Variants in LAMA5 observed in about 807,000 individuals in gnomAD.
LAMA5 encodes the protein laminin subunit alpha-5.
In LAMA5, 260 loss-of-function variants were observed where a neutral mutation model predicts 433.4. The ratio of observed to expected loss-of-function variants is 0.60; its 90% confidence interval spans 0.54 to 0.66. The LOEUF is 0.66. Ranked by LOEUF, LAMA5 falls within the 30% of genes least tolerant of loss-of-function variation. The probability of loss-of-function intolerance (pLI) is 0.00; values close to 1 mark genes in which losing one functional copy is unlikely to be tolerated. For missense variants in LAMA5, 5,378 were observed against 5,258.5 expected (o/e 1.02, Z -0.70); for synonymous variants, 2,620 against 2,226.6 (o/e 1.18, Z -4.97).
At chr20:62,317,575 C>G (rs773456123) in intron 54 of LAMA5, 76 bp from the exon 55 acceptor site, 2 of 1,522,890 alleles carry the variant, frequency 1.3e-6, no homozygotes, top group Non-Finnish European at 1.8e-6. Context: ...GGGCTCTGCA[C>G]GCAAGTGTGC....
At chr20:62,322,855 G>T in intron 45 of LAMA5, 97 bp from the exon 46 acceptor site, 1 of 797,618 alleles carries the variant, frequency 1.3e-6, no homozygotes, top group Non-Finnish European at 1.9e-6. Context: ...GCCTCCTGCT[G>T]TGTCTCCTCC....
rs1568899217 is a variant in LAMA5 at position 62,314,375 on chromosome 20, A to C, written c.8433T>G (p.Gly2811=). The C allele has an allele frequency of 1.2e-6, 2 of 1,613,382 alleles. No individual in the cohort carries two copies. Among genetic ancestry groups the C allele is most frequent in the Non-Finnish European group, 1.7e-6 (2 of 1,179,926 alleles). ...DKKVHWVYQL[G]EAGPAVLSID... ...TGCTTAGGACTGCAGGGCCCGCCTC[A>C]CCCAGCTGATACACCCAGTGCACCT... is the stretch of plus-strand genomic sequence containing the variant. Residue 2811 remains glycine (G), a synonymous_variant, in exon 62 of 80, where the codon GGT becomes GGG. Coordinates refer to ENST00000252999, the MANE Select transcript of LAMA5 (RefSeq NM_005560.6).
At position 62,345,661 on chromosome 20, in the gene LAMA5, G is replaced by A. The variant is rs574109608; in HGVS notation, c.1477+157C>T. The A allele has an allele frequency of 6.6e-5, 43 of 647,984 alleles. No homozygotes were observed. In the East Asian group the frequency reaches 1.2e-3, roughly 17 times the overall value. 40.1% of individuals were successfully genotyped at this position (647,984 alleles called of 1,614,324 possible). ...CTTTATGCTGACCTATATTTCCGAA[G>A]GTTTTCCAGTGTGAATAGGCATAAT... is the stretch of plus-strand genomic sequence containing the variant. On this transcript the variant is annotated intron_variant, in intron 11 of 79. Coordinates refer to ENST00000252999, the MANE Select transcript of LAMA5 (RefSeq NM_005560.6).
At chr20:62,363,559 G>T (rs562302651) in intron 1 of LAMA5, among the ~76,000 whole-genome samples, 45 of 152,184 alleles carry the variant, frequency 3.0e-4, no homozygotes, top group Admixed American at 5.2e-4. Flanking sequence ...GATGAGGAGA[G>T]GGGGCAGAGC....
intron 57 of LAMA5, 48 bp downstream of exon 57, chr20:62,316,623 T>A: frequency 7.1e-7 from 1 of 1,401,852 alleles, no homozygotes; most frequent in Non-Finnish European, 9.6e-7. Context: ...CCCTGGGAGC[T>A]CAGATGCCCA....
Position 62,315,193 on chromosome 20 carries a change from TCTTG to T in LAMA5, c.7878_7881del (p.Ser2626ArgfsTer71). The T allele has an allele frequency of 6.2e-7, 1 of 1,607,870 alleles. No homozygotes were observed. Among genetic ancestry groups the T allele is most frequent in the Non-Finnish European group, 8.5e-7 (1 of 1,177,560 alleles). Reference sequence around the variant, plus strand: ...GCCACAGCCTTGGCATGTGCGATCTTCTTGCTTGTCTCGTCTGTGGTGGGCAGAG... The same window carrying T: ...GCCACAGCCTTGGCATGTGCGATCTTCTTGTCTCGTCTGTGGTGGGCAGAG... On this transcript the variant is annotated frameshift_variant, in exon 59 of 80. Transcript: ENST00000252999. LOFTEE classifies it high-confidence loss of function.
At chr20:62,345,783 C>A in intron 11 of LAMA5, 35 bp downstream of exon 11, 1 of 1,495,410 alleles carries the variant, frequency 6.7e-7, no homozygotes, top group Admixed American at 2.0e-5. Context: ...GGCTCCAGGG[C>A]AGGCCGGGGA....
chr20:62,366,887 G>C (rs1320677680), intron 1 of LAMA5, 62 bp downstream of exon 1: 2 of 1,230,486 alleles, frequency 1.6e-6, no homozygotes, highest in East Asian at 3.2e-5. Flanking sequence ...CCCTGGGGTC[G>C]GGCCGGTGTT....
chr20:62,344,589 C>T lies in LAMA5; in HGVS notation c.1477+1229G>A, dbSNP rs568469362. Reference sequence around the variant, plus strand: ...TCAGCCCCCCAAGTAGCTGGGATTACAGGCACGCACCACCACGCCTGGCTA... The same window carrying T: ...TCAGCCCCCCAAGTAGCTGGGATTATAGGCACGCACCACCACGCCTGGCTA... On this transcript the variant is annotated intron_variant, in intron 11 of 79. Transcript: ENST00000252999. Among the ~76,000 whole-genome samples the T allele has an allele frequency of 1.4e-4, 22 of 152,166 alleles. No homozygotes were observed. The South Asian group carries it at 3.1e-3, about 22-fold the overall frequency.
chr20:62,310,642 G>A (rs368700282), intron 75 of LAMA5, 23 bp downstream of exon 75: 1 of 1,596,910 alleles, frequency 6.3e-7, no homozygotes. Flanking sequence ...GGGGAGTGGG[G>A]GCTGGGGCAA....
chr20:62,317,286 C>T, intron 55 of LAMA5, 59 bp downstream of exon 55: 2 of 1,484,262 alleles, frequency 1.3e-6, no homozygotes, highest in South Asian at 2.6e-5. Context: ...CTGGCCCTCC[C>T]AAGGCCCTGT....
In LAMA5 at chr20:62,346,542, G is replaced by C. The variant is rs150458765; in HGVS notation, c.1246C>G (p.Pro416Ala). ...ERCLPGFYRS[P>A]NHPLDSPHVC... Reference sequence around the variant, plus strand: ...TGGGGCGAGTCGAGAGGGTGGTTGGGAGAGCGGTAGAAGCCGGGCAGGCAG... The same window carrying C: ...TGGGGCGAGTCGAGAGGGTGGTTGGCAGAGCGGTAGAAGCCGGGCAGGCAG... Residue 416 changes from proline (P) to alanine (A), a missense_variant, in exon 9 of 80, where the codon CCC (proline) becomes GCC (alanine). Pro to Ala is a conservative substitution (Grantham distance 27, BLOSUM62 -1). Transcript: ENST00000252999. 111 of 1,556,672 alleles carry C rather than the reference G, an allele frequency of 7.1e-5. 1 individual carries two copies. In the Middle Eastern group the frequency reaches 1.2e-3, roughly 16 times the overall value.
At position 62,333,444 on chromosome 20, in the gene LAMA5, G is replaced by A. The variant is rs576876044; in HGVS notation, c.3059C>T (p.Ala1020Val). The change falls in exon 25 of 80, where the codon GCG becomes GTG. Residue 1020 changes from alanine to valine, a missense_variant. Coordinates refer to ENST00000252999, the MANE Select transcript of LAMA5 (RefSeq NM_005560.6). The stretch of plus-strand genomic sequence containing the variant: ...AGTCACCCGCAGCTGCAGGAGCGCC[G>A]CCTCGTAGTATGCGCTAGGCAGCAG... The part of the protein sequence containing the change: ...VVLLPSAYYE[A>V]ALLQLRVTEA... 143 of 1,612,714 alleles carry A rather than the reference G, an allele frequency of 8.9e-5. No homozygotes were observed. The highest frequency in any genetic ancestry group is 1.1e-4 in the Non-Finnish European group (130 of 1,179,882).
chr20:62,346,584 C>T lies in LAMA5; in HGVS notation c.1204G>A (p.Gly402Ser), dbSNP rs781186305. Residue 402 changes from glycine (G) to serine (S), a missense_variant, in exon 9 of 80, where the codon GGC (glycine) becomes AGC (serine). Physicochemically the swap from Gly to Ser is moderately conservative, Grantham distance 56. Transcript: ENST00000252999. The stretch of plus-strand genomic sequence containing the variant: ...GGCAGGCAGCGCTCACAGTTGACGC[C>T]GGTGGTGTGGTGCTGGGAGTGCAAT... ...VCIDCQHHTT[G>S]VNCERCLPGF... 9 of 1,594,194 alleles carry T rather than the reference C, an allele frequency of 5.6e-6. No individual in the cohort carries two copies. The highest frequency in any genetic ancestry group is 1.1e-5 in the South Asian group (1 of 88,662).
rs12625368 is a variant in LAMA5, at chr20:62,334,918, T to C, written c.2482+103A>G. ...AGGGGCAGCCATCCATCACCCGGGC[T>C]TCATGCTGCCCAGGCTGCACTTGTC... On this transcript the variant is annotated intron_variant, in intron 20 of 79. Transcript: ENST00000252999. 0.89 allele frequency: 987,766 copies of C among 1,114,576 alleles called. 443,384 individuals are homozygous for C. The highest frequency in any genetic ancestry group is 0.95 in the East Asian group (38,683 of 40,644). 69.0% of individuals were successfully genotyped at this position (1,114,576 alleles called of 1,614,324 possible).
rs750869073 is a variant in LAMA5 at position 62,333,390 on chromosome 20, T to C, written c.3113A>G (p.Gln1038Arg). Residue 1038 changes from glutamine to arginine, a missense_variant, in exon 25 of 80, where the codon CAG (glutamine) becomes CGG (arginine). Coordinates refer to ENST00000252999, the MANE Select transcript of LAMA5 (RefSeq NM_005560.6). ...TEACTYRPSA[Q>R]QSGDNCLLYT... The stretch of plus-strand genomic sequence containing the variant: ...TGGCCCTCACTTGTCGCCAGACTGC[T>C]GGGCAGAGGGACGGTATGTGCAGGC... The C allele has an allele frequency of 2.5e-5, 41 of 1,612,546 alleles. 1 individual carries two copies. The South Asian group carries it at 4.4e-4, about 17-fold the overall frequency.
Position 62,310,472 on chromosome 20 carries a change from C to A in LAMA5, c.10547G>T (p.Gly3516Val), listed in dbSNP as rs1369537754. ...GAAGAACAGGCCCGCCTCCAGGGGGCCCAAGATGCAGGGTGTGACCCCTGC... is the reference window on the plus strand; with the variant it reads ...GAAGAACAGGCCCGCCTCCAGGGGGACCAAGATGCAGGGTGTGACCCCTGC... ...RMAGVTPCIL[G>V]PLEAGLFFPG... The change falls in exon 76 of 80, where the codon GGC (glycine) becomes GTC (valine). Residue 3516 changes from glycine (G) to valine (V), a missense_variant. Gly to Val is a moderately radical substitution (Grantham distance 109). Coordinates refer to ENST00000252999, the MANE Select transcript of LAMA5 (RefSeq NM_005560.6). 2 of 1,596,550 alleles carry A rather than the reference C, an allele frequency of 1.3e-6. No homozygotes were observed. The highest frequency in any genetic ancestry group is 1.3e-5 in the African/African-American group (1 of 74,170).
At position 62,329,160 on chromosome 20, in the gene LAMA5, C is replaced by A; in HGVS notation, c.4213G>T (p.Ala1405Ser). ...DKSYDFISHC[A>S]AQGYHISPSS... The stretch of plus-strand genomic sequence containing the variant: ...CACCTGATGTGGTAGCCCTGGGCTG[C>A]GCAGTGGCTGATGAAGTCATAGGAT... Residue 1405 changes from alanine (A) to serine (S), a missense_variant, in exon 33 of 80, where the codon GCA (alanine) becomes TCA (serine). Coordinates refer to ENST00000252999, the MANE Select transcript of LAMA5 (RefSeq NM_005560.6). 6.2e-7 allele frequency: 1 copy of A among 1,612,736 alleles called. No individual in the cohort carries two copies. Among genetic ancestry groups the A allele is most frequent in the Non-Finnish European group, 8.5e-7 (1 of 1,179,770 alleles).
intron 11 of LAMA5, among the ~76,000 whole-genome samples, chr20:62,340,315 T>TTG (rs1395224779): frequency 2.8e-5 from 4 of 143,828 alleles, no homozygotes; most frequent in Non-Finnish European, 4.6e-5. Flanking sequence ...GTTTTTTTTT[T>TTG]TTTTTTTTTT....
Sources: allele counts gnomAD v4.1 joint callset (sites outside exome capture counted in the v4.1 genomes callset), GRCh38; gene constraint gnomAD v4.1.1; transcripts MANE v1.5; gene names NCBI Gene and HGNC (gene_info 2026-07-23, HGNC 2026-07-21).